HCN1: variants seen among roughly 807,000 people sequenced by gnomAD.
HCN1 encodes hyperpolarization activated cyclic nucleotide gated potassium channel 1.
In HCN1, 13 loss-of-function variants were observed where a neutral mutation model predicts 78.9. That is an observed-to-expected ratio of 0.16 (90% CI 0.11 to 0.26). HCN1 has a LOEUF of 0.26. Ranked by LOEUF, HCN1 falls within the 10% of genes least tolerant of loss-of-function variation. The pLI is 1.00. For synonymous variants in HCN1, 552 were observed against 455.5 expected (o/e 1.21, Z -2.70); for missense variants, 810 against 1,154.3 (o/e 0.70, Z 4.32).
At position 45,635,527 on chromosome 5, in the gene HCN1, G is replaced by T. The variant is rs564959168; in HGVS notation, c.849+9658C>A. On this transcript the variant is annotated intron_variant, in intron 2 of 7. Coordinates refer to ENST00000303230, the MANE Select transcript of HCN1 (RefSeq NM_021072.4). ...TCTGGAGCCCTGGGACCAGTCTCCA[G>T]AATCCTTCCTTACTCAACGTCTACT... Among the ~76,000 whole-genome samples the T allele has an allele frequency of 1.5e-3, 228 of 152,162 alleles. 1 individual carries two copies. Among genetic ancestry groups the T allele is most frequent in the South Asian group, 0.012 (58 of 4,828 alleles).
chr5:45,286,246 C>A (rs1459168981), intron 6 of HCN1, among the ~76,000 whole-genome samples: 2 of 151,766 alleles, frequency 1.3e-5, no homozygotes, highest in South Asian at 2.1e-4. Context: ...TAAGTGCAAA[C>A]ATTATATCCT....
intron 5 of HCN1, among the ~76,000 whole-genome samples, chr5:45,336,097 G>C (rs775497919): frequency 1.3e-5 from 2 of 151,978 alleles, no homozygotes; most frequent in Non-Finnish European, 2.9e-5. Flanking sequence ...GGGCAAATAA[G>C]AGCATGTTAA....
intron 2 of HCN1, among the ~76,000 whole-genome samples, chr5:45,533,363 T>C (rs924457005): frequency 1.3e-5 from 2 of 152,166 alleles, no homozygotes; most frequent in African/African-American, 4.8e-5. Context: ...TTCTCTCTCC[T>C]CTGAGTTTAG....
intron 6 of HCN1, among the ~76,000 whole-genome samples, chr5:45,300,358 C>A (rs1432591845): frequency 6.6e-6 from 1 of 151,930 alleles, no homozygotes; most frequent in Admixed American, 6.6e-5. Flanking sequence ...CTCTGCCACC[C>A]AAGATAGTAA....
chr5:45,532,060 A>G (rs998575250), intron 2 of HCN1, among the ~76,000 whole-genome samples: 3 of 152,266 alleles, frequency 2.0e-5, no homozygotes, highest in East Asian at 1.9e-4. Flanking sequence ...TAAACCAACC[A>G]AACAAAAGAC....
chr5:45,509,533 C>A (rs1466882781), intron 2 of HCN1, among the ~76,000 whole-genome samples: 1 of 152,104 alleles, frequency 6.6e-6, no homozygotes. Context: ...GTTCCTCCAA[C>A]AGTAGGAGCA....
intron 2 of HCN1, among the ~76,000 whole-genome samples, chr5:45,520,300 C>T (rs1742590696): frequency 6.6e-6 from 1 of 151,902 alleles, no homozygotes; most frequent in Admixed American, 6.6e-5. Context: ...AAGCATTGTT[C>T]ATTGCATGAC....
chr5:45,375,912 CTT>C (rs1561131960), intron 4 of HCN1, among the ~76,000 whole-genome samples: 1 of 115,464 alleles, frequency 8.7e-6, no homozygotes, highest in East Asian at 2.4e-4. Context: ...AATATTTTAT[CTT>C]ATATATTATA....
chr5:45,416,290 C>T (rs575943987), intron 3 of HCN1, among the ~76,000 whole-genome samples: 117 of 151,930 alleles, frequency 7.7e-4, no homozygotes, highest in African/African-American at 2.6e-3. Context: ...TTGATTTACT[C>T]GAGTGAGGAA....
intron 6 of HCN1, among the ~76,000 whole-genome samples, chr5:45,292,154 C>T (rs1201736145): frequency 6.6e-6 from 1 of 151,886 alleles, no homozygotes; most frequent in Non-Finnish European, 1.5e-5. Flanking sequence ...ATATATTGGG[C>T]TTAACATGGA....
At chr5:45,535,108 T>TA (rs1742939394) in intron 2 of HCN1, among the ~76,000 whole-genome samples, 1 of 152,132 alleles carries the variant, frequency 6.6e-6, no homozygotes, top group Admixed American at 6.5e-5. Context: ...GCCTTTATTT[T>TA]AAAAAATGCA....
chr5:45,449,335 A>T (rs1740863497), intron 3 of HCN1, among the ~76,000 whole-genome samples: 2 of 152,156 alleles, frequency 1.3e-5, no homozygotes, highest in Admixed American at 1.3e-4. Context: ...ACCACTTCTC[A>T]TATTTTGTTT....
At chr5:45,387,263 C>G (rs774637840) in intron 4 of HCN1, among the ~76,000 whole-genome samples, 2 of 152,028 alleles carry the variant, frequency 1.3e-5, no homozygotes, top group African/African-American at 4.8e-5. Context: ...ATTTTGACTT[C>G]AGAAAGTAAA....
At chr5:45,323,642 G>A (rs1746173121) in intron 5 of HCN1, among the ~76,000 whole-genome samples, 1 of 151,616 alleles carries the variant, frequency 6.6e-6, no homozygotes, top group African/African-American at 2.4e-5. Context: ...GTATACATGT[G>A]CCATGTTGCT....
intron 6 of HCN1, among the ~76,000 whole-genome samples, chr5:45,290,532 A>G (rs1422645068): frequency 3.3e-5 from 5 of 152,096 alleles, no homozygotes; most frequent in Non-Finnish European, 7.4e-5. Flanking sequence ...TGTAGGGAAA[A>G]CAAAATAAAT....
intron 2 of HCN1, among the ~76,000 whole-genome samples, chr5:45,463,259 C>A (rs1741201394): frequency 6.6e-6 from 1 of 151,906 alleles, no homozygotes; most frequent in Non-Finnish European, 1.5e-5. Flanking sequence ...GGTAAAATGA[C>A]AGGGCATCTG....
chr5:45,507,370 C>T (rs1164736923), intron 2 of HCN1, among the ~76,000 whole-genome samples: 1 of 152,162 alleles, frequency 6.6e-6, no homozygotes, highest in Non-Finnish European at 1.5e-5. Context: ...CAACTCCCTC[C>T]ATCTGGCCTT....
chr5:45,382,459 CT>C lies in HCN1; in HGVS notation c.1230+14032del, dbSNP rs1196947726. 2.0e-5 allele frequency among the ~76,000 whole-genome samples: 3 copies of C among 152,240 alleles called. No individual in the cohort carries two copies. The East Asian group carries it at 5.8e-4, about 29-fold the overall frequency. ...TTAACTGGATAACTCTCATTATTCT[CT>C]AAATTCTTCATTCCTTTTCTTCATA... On this transcript the variant is annotated intron_variant, in intron 4 of 7. Coordinates refer to ENST00000303230, the MANE Select transcript of HCN1 (RefSeq NM_021072.4).
intron 1 of HCN1, among the ~76,000 whole-genome samples, chr5:45,678,519 A>G (rs2112085359): frequency 6.6e-6 from 1 of 151,972 alleles, no homozygotes; most frequent in African/African-American, 2.4e-5. Context: ...GTCTCTCCTC[A>G]ATATTTGTGG....
Sources: allele counts gnomAD v4.1 joint callset (sites outside exome capture counted in the v4.1 genomes callset), GRCh38; gene constraint gnomAD v4.1.1; transcripts MANE v1.5; gene names NCBI Gene and HGNC (gene_info 2026-07-23, HGNC 2026-07-21).